The following STX8 variants were observed in gnomAD, a reference collection of about 807,000 sequenced individuals.
STX8 encodes syntaxin-8.
A neutral mutation model predicts 37.5 loss-of-function variants in STX8; 23 were observed. The observed-to-expected ratio is 0.61, with a 90% CI of 0.44 to 0.87. The LOEUF is 0.87. Among genes scored for constraint, STX8 ranks in the 40% least tolerant of loss-of-function variants. The pLI is 0.00. For missense variants in STX8, 313 were observed against 284.7 expected (o/e 1.10, Z -0.71); for synonymous variants, 115 against 99.1 (o/e 1.16, Z -0.95).
chr17:9,330,438 G>A (rs769935882), intron 7 of STX8, among the ~76,000 whole-genome samples: 3 of 152,042 alleles, frequency 2.0e-5, no homozygotes, highest in Admixed American at 6.6e-5. Context: ...CCCCCAACCC[G>A]GTCTACACAC....
rs769972795 is a variant in STX8 at position 9,545,193 on chromosome 17, C to T, written c.302G>A (p.Gly101Asp). 3 of 1,613,772 alleles carry T rather than the reference C, an allele frequency of 1.9e-6. No individual in the cohort carries two copies. The highest frequency in any genetic ancestry group is 4.5e-5 in the East Asian group (2 of 44,882). The stretch of plus-strand genomic sequence containing the variant: ...CTACCTGATTAGATCTGGTTCGGCA[C>T]CCTCATTCTTAAAGGATGCCAGAAG... ...RLLLASFKNE[G>D]AEPDLIRSSL... Residue 101 changes from glycine (G) to aspartate (D), a missense_variant, in exon 4 of 8, where the codon GGT becomes GAT. Coordinates refer to ENST00000306357, the MANE Select transcript of STX8 (RefSeq NM_004853.3).
intron 6 of STX8, among the ~76,000 whole-genome samples, chr17:9,474,188 T>C (rs1051226236): frequency 1.3e-5 from 2 of 152,132 alleles, no homozygotes; most frequent in Admixed American, 1.3e-4. Context: ...GGAGAGGGCA[T>C]GGGAGCTCTG....
intron 6 of STX8, among the ~76,000 whole-genome samples, chr17:9,422,769 A>C (rs1176743916): frequency 1.3e-5 from 2 of 152,254 alleles, no homozygotes; most frequent in African/African-American, 4.8e-5. Context: ...AAAGCTTACT[A>C]TCTGGCCCTT....
At chr17:9,428,433 G>C (rs1008139472) in intron 6 of STX8, among the ~76,000 whole-genome samples, 1 of 152,136 alleles carries the variant, frequency 6.6e-6, no homozygotes, top group Non-Finnish European at 1.5e-5. Context: ...GTAGAGACGG[G>C]GTTTCACCGT....
intron 7 of STX8, among the ~76,000 whole-genome samples, chr17:9,376,772 G>A (rs530950870): frequency 6.6e-5 from 10 of 152,222 alleles, no homozygotes; most frequent in East Asian, 3.9e-4. Flanking sequence ...AACAAACTCC[G>A]GACACACCAT....
At chr17:9,460,684 AAAAACAAAAC>A (rs1266880122) in intron 6 of STX8, among the ~76,000 whole-genome samples, 4,007 of 149,852 alleles carry the variant, frequency 0.027, 260 homozygotes, top group African/African-American at 0.093. Context: ...AAAAAAAAAA[AAAAACAAAAC>A]AAAACTACTA....
intron 7 of STX8, among the ~76,000 whole-genome samples, chr17:9,341,683 G>A (rs8069949): frequency 5.3e-5 from 8 of 151,790 alleles, no homozygotes; most frequent in Admixed American, 2.0e-4. Flanking sequence ...GTAATCTGCC[G>A]GCTTCGGCCT....
intron 7 of STX8, among the ~76,000 whole-genome samples, chr17:9,326,594 C>G (rs1264835085): frequency 1.3e-5 from 2 of 152,154 alleles, no homozygotes; most frequent in African/African-American, 2.4e-5. Flanking sequence ...GAGTTACGAC[C>G]CTGATCATCC....
intron 6 of STX8, among the ~76,000 whole-genome samples, chr17:9,430,181 TAAA>T (rs1175725019): frequency 2.7e-5 from 3 of 110,104 alleles, no homozygotes; most frequent in African/African-American, 1.4e-4. Context: ...AATTTATATA[TAAA>T]TAAAATATAA....
intron 6 of STX8, chr17:9,452,151 A>T (rs1176535849): frequency 3.3e-5 from 5 of 150,682 alleles, no homozygotes; most frequent in Non-Finnish European, 7.4e-5. Flanking sequence ...AACTTCTTTG[A>T]CTTTTTTTTT....
At chr17:9,410,354 T>C (rs1374491119) in intron 6 of STX8, among the ~76,000 whole-genome samples, 1 of 152,254 alleles carries the variant, frequency 6.6e-6, no homozygotes, top group African/African-American at 2.4e-5. Context: ...TTTGCTAAAA[T>C]TGTACGTTTC....
chr17:9,534,431 T>C (rs1905946541), intron 4 of STX8, among the ~76,000 whole-genome samples: 2 of 152,200 alleles, frequency 1.3e-5, no homozygotes, highest in Admixed American at 1.3e-4. Context: ...ACAATCCCAA[T>C]TGTTTTTAAA....
chr17:9,514,282 A>C (rs2142512971), intron 4 of STX8, among the ~76,000 whole-genome samples: 1 of 152,314 alleles, frequency 6.6e-6, no homozygotes, highest in African/African-American at 2.4e-5. Context: ...GTACCCCATA[A>C]ATATGTATAA....
intron 7 of STX8, among the ~76,000 whole-genome samples, chr17:9,362,828 CAAAA>C (rs765809132): frequency 7.8e-5 from 8 of 102,176 alleles, no homozygotes; most frequent in Admixed American, 9.6e-5. Context: ...GACTCCGTCT[CAAAA>C]AAAAAAAAAA....
chr17:9,378,283 A>G, intron 7 of STX8: 1 of 347,922 alleles, frequency 2.9e-6, no homozygotes, highest in Admixed American at 4.3e-5. Flanking sequence ...AATTTCCCAA[A>G]CCATTAATCT....
At chr17:9,458,038 T>C (rs1294843219) in intron 6 of STX8, among the ~76,000 whole-genome samples, 1 of 152,244 alleles carries the variant, frequency 6.6e-6, no homozygotes, top group Admixed American at 6.5e-5. Context: ...AAAGGTCCAG[T>C]ACTTAAACCA....
chr17:9,322,278 C>T (rs971252007), intron 7 of STX8, among the ~76,000 whole-genome samples: 4 of 152,212 alleles, frequency 2.6e-5, no homozygotes, highest in African/African-American at 9.6e-5. Flanking sequence ...GGCTCACTGC[C>T]GGAATAACCC....
At chr17:9,544,469 G>C (rs1042569778) in intron 4 of STX8, among the ~76,000 whole-genome samples, 1 of 151,798 alleles carries the variant, frequency 6.6e-6, no homozygotes, top group Admixed American at 6.6e-5. Context: ...CCCCGGACCA[G>C]TCTTATTAGG....
chr17:9,489,691 CTT>C (rs4063411), intron 6 of STX8, among the ~76,000 whole-genome samples: 5 of 127,380 alleles, frequency 3.9e-5, no homozygotes, highest in Admixed American at 8.3e-5. Flanking sequence ...GCTTACTTTC[CTT>C]TTTTTTTTTT....
Sources: gnomAD v4.1 joint callset for allele counts (sites outside exome capture counted in the v4.1 genomes callset) on GRCh38, gnomAD v4.1.1 for gene constraint, MANE v1.5 for transcripts, NCBI Gene and HGNC (gene_info 2026-07-23, HGNC 2026-07-21) for gene names.